The following KANK1 variants were observed in gnomAD, a reference collection of about 807,000 sequenced individuals.
KANK1 encodes KN motif and ankyrin repeat domain-containing protein 1.
In KANK1, 109 loss-of-function variants were observed where a neutral mutation model predicts 106.2. That is an observed-to-expected ratio of 1.03 (90% CI 0.88 to 1.20). The LOEUF is 1.20. Among genes scored for constraint, KANK1 ranks in the 50% most tolerant of loss-of-function variants. The pLI is 0.00. For synonymous variants in KANK1, 873 were observed against 652.2 expected, an observed-to-expected ratio of 1.34 and a Z score of -5.16; for missense variants, 2,399 against 1,710.7, an observed-to-expected ratio of 1.40 and a Z score of -7.10.
At chr9:639,566 C>T (rs1397580378) in intron 1 of KANK1, among the ~76,000 whole-genome samples, 1 of 152,100 alleles carries the variant, frequency 6.6e-6, no homozygotes, top group Non-Finnish European at 1.5e-5. Context: ...TTCTGCCCAC[C>T]TCGGCCTCCC....
upstream of KANK1, among the ~76,000 whole-genome samples, chr9:504,441 T>C (rs1011638920): frequency 6.6e-6 from 1 of 151,362 alleles, no homozygotes; most frequent in Non-Finnish European, 1.5e-5. Flanking sequence ...CGCGGCCGGC[T>C]CCGCGGTACA....
At chr9:669,540 A>G (rs1563958669) in intron 1 of KANK1, among the ~76,000 whole-genome samples, 1 of 152,132 alleles carries the variant, frequency 6.6e-6, no homozygotes, top group Non-Finnish European at 1.5e-5. Context: ...AGCACTTTGA[A>G]AATATCATTC....
intron 3 of KANK1, among the ~76,000 whole-genome samples, chr9:716,995 G>C (rs1028590858): frequency 6.6e-6 from 1 of 150,822 alleles, no homozygotes; most frequent in African/African-American, 2.4e-5. Context: ...GGTGGGGGTG[G>C]TGGGGGGAGA....
chr9:596,287 TC>T (rs1192930748), intron 1 of KANK1, among the ~76,000 whole-genome samples: 4 of 151,972 alleles, frequency 2.6e-5, no homozygotes, highest in Admixed American at 6.5e-5. Context: ...TTTTTTGAGT[TC>T]CTACCCACAT....
chr9:681,275 T>G (rs1817503825), intron 2 of KANK1, among the ~76,000 whole-genome samples: 1 of 152,158 alleles, frequency 6.6e-6, no homozygotes, highest in South Asian at 2.1e-4. Context: ...CTGCAGCGTC[T>G]TTTGTTAAGG....
At chr9:509,009 A>G (rs573329530) in intron 1 of KANK1, among the ~76,000 whole-genome samples, 91 of 152,266 alleles carry the variant, frequency 6.0e-4, no homozygotes, top group African/African-American at 2.1e-3. Flanking sequence ...TTATACTTCT[A>G]CCCGTAGTGT....
intron 3 of KANK1, among the ~76,000 whole-genome samples, chr9:479,266 A>C (rs948934010): frequency 2.0e-5 from 3 of 152,218 alleles, no homozygotes; most frequent in Non-Finnish European, 4.4e-5. Context: ...TTGTCATTGC[A>C]AGTATCATAA....
At chr9:531,476 C>G (rs1224544415) in intron 1 of KANK1, among the ~76,000 whole-genome samples, 2 of 152,140 alleles carry the variant, frequency 1.3e-5, no homozygotes, top group Non-Finnish European at 2.9e-5. Flanking sequence ...TCAAGATCGG[C>G]TTACAAATCA....
intron 1 of KANK1, among the ~76,000 whole-genome samples, chr9:640,751 C>T (rs1838240430): frequency 6.8e-6 from 1 of 147,192 alleles, no homozygotes; most frequent in Non-Finnish European, 1.5e-5. Flanking sequence ...GGCTGCAGTA[C>T]AGTGGTGCAA....
intron 1 of KANK1, among the ~76,000 whole-genome samples, chr9:533,952 C>G (rs965258206): frequency 1.2e-4 from 19 of 152,144 alleles, no homozygotes; most frequent in African/African-American, 4.3e-4. Context: ...GCTGACACCC[C>G]CAGATTTCAC....
At chr9:657,554 G>C (rs1339759334) in intron 1 of KANK1, among the ~76,000 whole-genome samples, 1 of 151,590 alleles carries the variant, frequency 6.6e-6, no homozygotes, top group African/African-American at 2.4e-5. Flanking sequence ...TTTTTTTGTT[G>C]TTGTTTGTTC....
chr9:524,304 GT>G lies in KANK1; in HGVS notation c.-84+19560del, dbSNP rs146563690. Among the ~76,000 whole-genome samples the G allele has an allele frequency of 4.0e-4, 58 of 146,594 alleles. 2 individuals carry two copies. Among genetic ancestry groups the G allele is most frequent in the Admixed American group, 1.7e-3 (25 of 14,776 alleles). On this transcript the variant is annotated intron_variant, in intron 1 of 11. Transcript: ENST00000382297. ...TTAAGTCGTTCTGTAGTTTTTTGTTGTTTTTTTTTTCTTGACAATAACTCTG... is the reference window on the plus strand; with the variant it reads ...TTAAGTCGTTCTGTAGTTTTTTGTTGTTTTTTTTTCTTGACAATAACTCTG...
At chr9:508,349 C>G (rs1403982471) in intron 1 of KANK1, among the ~76,000 whole-genome samples, 2 of 151,950 alleles carry the variant, frequency 1.3e-5, no homozygotes, top group Non-Finnish European at 2.9e-5. Context: ...GTTGGTCAGG[C>G]TGGTCTCGAA....
chr9:686,750 C>A, intron 2 of KANK1: 1 of 985,250 alleles, frequency 1.0e-6, no homozygotes. Flanking sequence ...ATGAGCCTAT[C>A]CGGTAAGGGA....
chr9:691,520 C>G (rs1819903028), intron 2 of KANK1, among the ~76,000 whole-genome samples: 1 of 150,808 alleles, frequency 6.6e-6, no homozygotes, highest in South Asian at 2.1e-4. Context: ...CTTGGCCTCC[C>G]AAAGTGCTAG....
At chr9:744,677 AT>A in intron 11 of KANK1, 88 bp downstream of exon 11, 1 of 1,609,050 alleles carries the variant, frequency 6.2e-7, no homozygotes, top group Non-Finnish European at 8.5e-7. Flanking sequence ...CGGGAGACAG[AT>A]TTTATGTTGA....
chr9:692,145 C>A (rs374535010), intron 2 of KANK1, among the ~76,000 whole-genome samples: 4 of 152,104 alleles, frequency 2.6e-5, no homozygotes, highest in East Asian at 1.9e-4. Flanking sequence ...TAAGAATTCA[C>A]TGGACCTGCC....
intron 3 of KANK1, among the ~76,000 whole-genome samples, chr9:478,873 A>T (rs984429060): frequency 6.6e-6 from 1 of 151,894 alleles, no homozygotes; most frequent in Non-Finnish European, 1.5e-5. Flanking sequence ...ACCCCATTAT[A>T]TGAAGAAGAC....
intron 2 of KANK1, among the ~76,000 whole-genome samples, chr9:678,978 A>G (rs368376720): frequency 1.3e-5 from 2 of 152,212 alleles, no homozygotes; most frequent in East Asian, 3.9e-4. Context: ...ATGGGTTTAG[A>G]TACCTACCCC....
Sources: gnomAD v4.1 joint callset for allele counts (sites outside exome capture counted in the v4.1 genomes callset) on GRCh38, gnomAD v4.1.1 for gene constraint, MANE v1.5 for transcripts, NCBI Gene and HGNC (gene_info 2026-07-23, HGNC 2026-07-21) for gene names.